Variants in ADRA1A observed in about 807,000 individuals in gnomAD.
ADRA1A encodes adrenoceptor alpha 1A.
In ADRA1A, 31 loss-of-function variants were observed where a neutral mutation model predicts 29.6. That is an observed-to-expected ratio of 1.05 (90% CI 0.79 to 1.41). ADRA1A has a LOEUF of 1.41. Ranked by LOEUF, ADRA1A falls within the 40% of genes most tolerant of loss-of-function variation. ADRA1A has a pLI of 0.00. For missense variants in ADRA1A, 619 were observed against 601.1 expected (o/e 1.03, Z -0.31); for synonymous variants, 311 against 254.3 (o/e 1.22, Z -2.12).
rs972496809 is a variant in ADRA1A at position 26,823,044 on chromosome 8, GT to G, written c.883+41042del. Among the ~76,000 whole-genome samples, 6 of 152,158 alleles carry G rather than the reference GT, an allele frequency of 3.9e-5. No homozygotes were observed. The highest frequency in any genetic ancestry group is 1.4e-4 in the African/African-American group (6 of 41,420). ...GATTACAATTTGACATGAGATTTGG[GT>G]GGGGACACAGATCCAAACCATATCA... On this transcript the variant is annotated intron_variant, in intron 2 of 2. Transcript: ENST00000380573. The surrounding 1 kb of genome is among the most constrained non-coding windows in gnomAD (Gnocchi z 4.2).
rs1811805362 is a variant in ADRA1A at position 26,841,373 on chromosome 8, C to T, written c.883+22714G>A. On this transcript the variant is annotated intron_variant, in intron 2 of 2. Transcript: ENST00000380573. This position sits in a 1 kb window ranked among gnomAD's most constrained non-coding sequence, Gnocchi z 4.4. ...GTCTGAGCCACCAAAGCCTACCCCA[C>T]CCTTGCACCTCCTTTCTTACTCCCT... Among the ~76,000 whole-genome samples the T allele has an allele frequency of 6.6e-6, 1 of 152,188 alleles. No homozygotes were observed. The highest frequency in any genetic ancestry group is 1.5e-5 in the Non-Finnish European group (1 of 68,040).
intron 2 of ADRA1A, among the ~76,000 whole-genome samples, chr8:26,792,891 TA>T (rs1269813597): frequency 1.5e-4 from 22 of 151,076 alleles, no homozygotes; most frequent in Non-Finnish European, 1.5e-5. Context: ...ATTACAAAAA[TA>T]AATGTAAATG....
rs1447345860 is a variant in ADRA1A, at chr8:26,815,997, T to G, written c.884-45331A>C. Among the ~76,000 whole-genome samples the G allele has an allele frequency of 6.6e-6, 1 of 152,148 alleles. No individual in the cohort carries two copies. The highest frequency in any genetic ancestry group is 1.5e-5 in the Non-Finnish European group (1 of 68,034). ...ATCATGAGCCTTGAAAAGTCGCTGGTTCCATGGCAGCTGTACCCATTTGGT... is the reference window on the plus strand; with the variant it reads ...ATCATGAGCCTTGAAAAGTCGCTGGGTCCATGGCAGCTGTACCCATTTGGT... On this transcript the variant is annotated intron_variant, in intron 2 of 2. Transcript: ENST00000380573. The surrounding 1 kb of genome is among the most constrained non-coding windows in gnomAD (Gnocchi z 4.2).
downstream of ADRA1A, chr8:26,766,096 A>C: frequency 3.1e-6 from 5 of 1,613,760 alleles, no homozygotes; most frequent in Non-Finnish European, 4.2e-6. Context: ...TAAAATTCAC[A>C]TGCTTGATAT....
intron 2 of ADRA1A, among the ~76,000 whole-genome samples, chr8:26,774,974 CT>C (rs943303219): frequency 1.3e-5 from 2 of 152,196 alleles, no homozygotes; most frequent in African/African-American, 4.8e-5. Flanking sequence ...CTGGAGAATG[CT>C]TGTTCCTGGC....
intron 2 of ADRA1A, among the ~76,000 whole-genome samples, chr8:26,771,544 G>A (rs1447088681): frequency 6.6e-6 from 1 of 152,218 alleles, no homozygotes. Context: ...CACATCCTGC[G>A]CAGAGACTGC....
At chr8:26,779,874 C>G (rs911695446) in intron 2 of ADRA1A, among the ~76,000 whole-genome samples, 4 of 152,120 alleles carry the variant, frequency 2.6e-5, no homozygotes, top group Non-Finnish European at 4.4e-5. Context: ...CCACACACCT[C>G]CACATCTGAG....
Position 26,821,712 on chromosome 8 carries a change from G to C in ADRA1A, c.883+42375C>G, listed in dbSNP as rs1810182769. On this transcript the variant is annotated intron_variant, in intron 2 of 2. Transcript: ENST00000380573. This position sits in a 1 kb window ranked among gnomAD's most constrained non-coding sequence, Gnocchi z 5.6. ...CAGAATAGTTCCATCCTGGCAAGGA[G>C]CTCTCAAATAGTCCTTTTATAGCCA... Among the ~76,000 whole-genome samples, 2 of 152,110 alleles carry C rather than the reference G, an allele frequency of 1.3e-5. No individual in the cohort carries two copies. The highest frequency in any genetic ancestry group is 4.1e-4 in the South Asian group (2 of 4,828).
rs1806049779 is a variant in ADRA1A, at chr8:26,770,379, T to TAGAAGG, written c.1170_1171insCCTTCT (p.Lys390_Thr391insProSer). 6.2e-7 allele frequency: 1 copy of TAGAAGG among 1,614,092 alleles called. No individual in the cohort carries two copies. Among genetic ancestry groups the TAGAAGG allele is most frequent in the Admixed American group, 1.7e-5 (1 of 60,010 alleles). ...AATTTCCATTCACAAACGCCATCCGTCTTGGAGATCCTGTAGAAGGTCTCT... is the reference window on the plus strand; with the variant it reads ...AATTTCCATTCACAAACGCCATCCGTAGAAGGCTTGGAGATCCTGTAGAAGGTCTCT... On this transcript the variant is annotated inframe_insertion, in exon 3 of 3. Transcript: ENST00000380573.
At chr8:26,776,525 G>A (rs769262836) in intron 2 of ADRA1A, among the ~76,000 whole-genome samples, 14 of 152,344 alleles carry the variant, frequency 9.2e-5, no homozygotes, top group East Asian at 1.9e-4. Context: ...GGCTGAAGAC[G>A]CGAGTAGTTC....
chr8:26,811,299 T>G (rs1187538255), intron 2 of ADRA1A, among the ~76,000 whole-genome samples: 1 of 152,134 alleles, frequency 6.6e-6, no homozygotes, highest in Non-Finnish European at 1.5e-5. Flanking sequence ...CTCACGCCAT[T>G]CTCCTGCCTC....
At chr8:26,830,153 A>G (rs571217205) in intron 2 of ADRA1A, among the ~76,000 whole-genome samples, 129 of 152,328 alleles carry the variant, frequency 8.5e-4, no homozygotes, top group Non-Finnish European at 1.5e-3. Context: ...TCCCACCCAG[A>G]GCTGACCCTG....
At position 26,757,433 on chromosome 8, in the gene ADRA1A, A is replaced by C. The variant is rs1302261557; in HGVS notation, c.1270-654T>G. On this transcript the variant is annotated intron_variant, in intron 2 of 2. Transcript: ENST00000380582. ...CTAGACTCGACTGGCAGAACCTGAAATTAGAACTAAGATTGTGACCTGGAG... is the reference window on the plus strand; with the variant it reads ...CTAGACTCGACTGGCAGAACCTGAACTTAGAACTAAGATTGTGACCTGGAG... Among the ~76,000 whole-genome samples the C allele has an allele frequency of 2.6e-5, 4 of 152,062 alleles. No homozygotes were observed. The South Asian group carries it at 6.2e-4, about 24-fold the overall frequency.
chr8:26,809,053 C>T (rs1039657533), intron 2 of ADRA1A, among the ~76,000 whole-genome samples: 2 of 152,148 alleles, frequency 1.3e-5, no homozygotes, highest in African/African-American at 2.4e-5. Flanking sequence ...TTATTTACTA[C>T]AATACCCTTA....
chr8:26,759,226 A>G (rs927720425), intron 2 of ADRA1A, among the ~76,000 whole-genome samples: 3 of 152,218 alleles, frequency 2.0e-5, no homozygotes, highest in Non-Finnish European at 4.4e-5. Flanking sequence ...CACAAATGTC[A>G]GCTCTCACTT....
chr8:26,759,480 T>C (rs1271564139), intron 2 of ADRA1A, among the ~76,000 whole-genome samples: 2 of 152,212 alleles, frequency 1.3e-5, no homozygotes, highest in Admixed American at 1.3e-4. Flanking sequence ...TTAATAGCCT[T>C]CCTACTTGTC....
downstream of ADRA1A, among the ~76,000 whole-genome samples, chr8:26,761,402 C>A (rs10110331): frequency 0.021 from 3,138 of 152,208 alleles, 116 homozygotes; most frequent in African/African-American, 0.07. Flanking sequence ...TGTTGAAGTC[C>A]CCAGGACCTC....
rs183770218 is a variant in ADRA1A at position 26,861,535 on chromosome 8, A to C, written c.883+2552T>G. 3.0e-3 allele frequency among the ~76,000 whole-genome samples: 461 copies of C among 152,168 alleles called. 7 individuals carry two copies. Among genetic ancestry groups the C allele is most frequent in the Admixed American group, 0.027 (412 of 15,290 alleles). On this transcript the variant is annotated intron_variant, in intron 2 of 2. Coordinates refer to ENST00000380573, the MANE Select transcript of ADRA1A (RefSeq NM_000680.4). The stretch of plus-strand genomic sequence containing the variant: ...CTTGTAGCTTTAAAGATGTTGATAT[A>C]TCCCAAGTTTATATCTGTAGCCCGC...
intron 2 of ADRA1A, among the ~76,000 whole-genome samples, chr8:26,862,282 A>T (rs935864856): frequency 6.6e-6 from 1 of 152,194 alleles, no homozygotes; most frequent in African/African-American, 2.4e-5. Context: ...TCTTCAGTCC[A>T]GTCAGGACTC....
Sources: allele counts gnomAD v4.1 joint callset (sites outside exome capture counted in the v4.1 genomes callset), GRCh38; gene constraint gnomAD v4.1.1; non-coding constraint Gnocchi (gnomAD v3.1); transcripts MANE v1.5; gene names NCBI Gene and HGNC (gene_info 2026-07-23, HGNC 2026-07-21).